Variants in AFG1L observed in about 807,000 individuals in gnomAD.
AFG1L encodes the protein AFG1 like ATPase.
AFG1L carries 53 observed loss-of-function variants against 62.2 expected under a neutral mutation model. The ratio of observed to expected loss-of-function variants is 0.85; its 90% CI spans 0.68 to 1.07. The LOEUF is 1.07. Ranked by LOEUF, AFG1L falls within the 50% of genes least tolerant of loss-of-function variation. The pLI is 0.00. For missense variants in AFG1L, 555 were observed against 590.5 expected, an observed-to-expected ratio of 0.94 and a Z score of 0.62; for synonymous variants, 228 against 210.3, an observed-to-expected ratio of 1.08 and a Z score of -0.73.
chr6:108,518,997 T>A (rs1177236835), intron 11 of AFG1L, among the ~76,000 whole-genome samples: 1 of 152,228 alleles, frequency 6.6e-6, no homozygotes, highest in Admixed American at 6.5e-5. Flanking sequence ...AGTGTAATCA[T>A]CTTAGTCAGT....
At chr6:108,370,160 A>G (rs1779941095) in intron 6 of AFG1L, among the ~76,000 whole-genome samples, 1 of 151,964 alleles carries the variant, frequency 6.6e-6, no homozygotes, top group African/African-American at 2.4e-5. Context: ...AAAGAGCTAA[A>G]CCTTTTAGCG....
intron 7 of AFG1L, among the ~76,000 whole-genome samples, chr6:108,414,468 A>G (rs1366381061): frequency 6.6e-6 from 1 of 152,206 alleles, no homozygotes; most frequent in African/African-American, 2.4e-5. Flanking sequence ...AGACACAACA[A>G]AAAAGAGAAT....
chr6:108,314,117 G>A (rs1424642596), intron 1 of AFG1L, among the ~76,000 whole-genome samples: 1 of 152,052 alleles, frequency 6.6e-6, no homozygotes, highest in African/African-American at 2.4e-5. Context: ...TGTAATCCCA[G>A]CTACTTAGGA....
At chr6:108,437,624 G>A (rs1771366422) in intron 7 of AFG1L, among the ~76,000 whole-genome samples, 1 of 152,150 alleles carries the variant, frequency 6.6e-6, no homozygotes, top group Admixed American at 6.5e-5. Flanking sequence ...ACCCATTATA[G>A]TATAGAATTT....
chr6:108,447,680 A>G (rs772747778), intron 8 of AFG1L, among the ~76,000 whole-genome samples: 4 of 152,128 alleles, frequency 2.6e-5, no homozygotes, highest in South Asian at 2.1e-4. Context: ...TTATTTGTCA[A>G]TCTGTTTGTA....
At chr6:108,311,974 C>T (rs1020000235) in intron 1 of AFG1L, among the ~76,000 whole-genome samples, 3 of 152,082 alleles carry the variant, frequency 2.0e-5, no homozygotes, top group African/African-American at 7.2e-5. Context: ...AAGTGATTCT[C>T]ATGCCTCAGC....
chr6:108,316,380 CAAAA>C (rs768461563), intron 1 of AFG1L, among the ~76,000 whole-genome samples: 1,225 of 18,620 alleles, frequency 0.066, 6 homozygotes, highest in Middle Eastern at 0.24. Context: ...GACTCCGTCT[CAAAA>C]AAAAAAAAAA....
intron 6 of AFG1L, among the ~76,000 whole-genome samples, chr6:108,400,254 G>A (rs1020673989): frequency 8.6e-5 from 13 of 152,032 alleles, no homozygotes; most frequent in Non-Finnish European, 1.3e-4. Context: ...AGTGGGCATA[G>A]TTTGTCATGT....
chr6:108,502,452 G>A (rs1463065272), intron 10 of AFG1L, among the ~76,000 whole-genome samples: 1 of 152,002 alleles, frequency 6.6e-6, no homozygotes, highest in Non-Finnish European at 1.5e-5. Context: ...TGATCCACTC[G>A]CTTCGGCCTC....
At chr6:108,348,198 C>A (rs1164479515) in intron 3 of AFG1L, among the ~76,000 whole-genome samples, 1 of 152,178 alleles carries the variant, frequency 6.6e-6, no homozygotes, top group Non-Finnish European at 1.5e-5. Context: ...CCTGCCTCAG[C>A]CTCCCAAGTA....
intron 6 of AFG1L, 148 bp downstream of exon 6, chr6:108,366,480 T>G (rs1028750445): frequency 2.0e-6 from 1 of 494,006 alleles, no homozygotes; most frequent in African/African-American, 1.9e-5. Flanking sequence ...ATCTGAAAAA[T>G]CAGTTGGTAT....
At chr6:108,385,855 A>C (rs1780740058) in intron 6 of AFG1L, among the ~76,000 whole-genome samples, 1 of 152,218 alleles carries the variant, frequency 6.6e-6, no homozygotes, top group African/African-American at 2.4e-5. Flanking sequence ...TCACACCTGT[A>C]ATCCCAGTGC....
At chr6:108,432,042 C>T (rs2114714810) in intron 7 of AFG1L, among the ~76,000 whole-genome samples, 1 of 150,086 alleles carries the variant, frequency 6.7e-6, no homozygotes, top group African/African-American at 2.5e-5. Context: ...CAGGTGCCGG[C>T]GCTTTGCCTG....
chr6:108,435,557 A>G (rs554879000), intron 7 of AFG1L, among the ~76,000 whole-genome samples: 1 of 152,016 alleles, frequency 6.6e-6, no homozygotes, highest in Non-Finnish European at 1.5e-5. Context: ...ATGATGACAC[A>G]TGCCTGTAGT....
At chr6:108,466,869 C>T (rs1226981494) in intron 8 of AFG1L, among the ~76,000 whole-genome samples, 1 of 151,094 alleles carries the variant, frequency 6.6e-6, no homozygotes, top group African/African-American at 2.4e-5. Context: ...ACAAATGCAC[C>T]CATCACCGGT....
chr6:108,468,676 C>T (rs1010273777), intron 8 of AFG1L, among the ~76,000 whole-genome samples: 1 of 151,806 alleles, frequency 6.6e-6, no homozygotes, highest in Non-Finnish European at 1.5e-5. Flanking sequence ...TCATATTCTC[C>T]GGAACTCCTC....
intron 7 of AFG1L, among the ~76,000 whole-genome samples, chr6:108,428,109 C>T (rs1770906990): frequency 6.6e-6 from 1 of 152,078 alleles, no homozygotes; most frequent in South Asian, 2.1e-4. Context: ...TATAACCACT[C>T]CATCTTCTGA....
chr6:108,296,786 A>G (rs866091013), intron 1 of AFG1L, among the ~76,000 whole-genome samples: 4 of 152,242 alleles, frequency 2.6e-5, no homozygotes, highest in African/African-American at 9.6e-5. Flanking sequence ...TTTAAGGAGC[A>G]TCATTATAAC....
At chr6:108,385,165 G>T (rs1780707350) in intron 6 of AFG1L, among the ~76,000 whole-genome samples, 1 of 152,216 alleles carries the variant, frequency 6.6e-6, no homozygotes, top group Non-Finnish European at 1.5e-5. Context: ...AGCAACCAGA[G>T]AAAACGTGAC....
Sources: allele counts gnomAD v4.1 joint callset (sites outside exome capture counted in the v4.1 genomes callset), GRCh38; gene constraint gnomAD v4.1.1; transcripts MANE v1.5; gene names NCBI Gene and HGNC (gene_info 2026-07-23, HGNC 2026-07-21).